GRHL2: variants seen among roughly 807,000 people sequenced by gnomAD.
The protein encoded by GRHL2 is grainyhead-like protein 2 homolog.
Under a neutral mutation model 83.8 loss-of-function variants are expected in GRHL2, and 21 were observed. That is an observed-to-expected ratio of 0.25 (90% CI 0.18 to 0.36). The LOEUF is 0.36. Among genes scored for constraint, GRHL2 ranks in the 10% least tolerant of loss-of-function variants. The probability of loss-of-function intolerance (pLI) is 1.00; values close to 1 mark genes in which losing one functional copy is unlikely to be tolerated. For synonymous variants in GRHL2, 280 were observed against 278.9 expected (o/e 1.00, Z -0.04); for missense variants, 623 against 781.8 (o/e 0.80, Z 2.42).
downstream of GRHL2, among the ~76,000 whole-genome samples, chr8:101,674,338 A>C (rs1253412427): frequency 6.6e-6 from 1 of 152,124 alleles, no homozygotes; most frequent in Non-Finnish European, 1.5e-5. Context: ...AAAAGAGAGA[A>C]GAATCAAAAA....
intron 8 of GRHL2, among the ~76,000 whole-genome samples, chr8:101,603,831 G>T (rs1413056547): frequency 6.6e-6 from 1 of 152,112 alleles, no homozygotes; most frequent in Non-Finnish European, 1.5e-5. Flanking sequence ...AGGAGGACAA[G>T]GTTCTGAGTG....
intron 2 of GRHL2, among the ~76,000 whole-genome samples, chr8:101,552,068 C>A (rs1283278522): frequency 6.6e-6 from 1 of 152,014 alleles, no homozygotes; most frequent in East Asian, 1.9e-4. Context: ...ACCTCCTGAC[C>A]TCGTGATCCG....
At chr8:101,663,631 A>AATTAATT (rs1563633193) in intron 14 of GRHL2, among the ~76,000 whole-genome samples, 23 of 104,752 alleles carry the variant, frequency 2.2e-4, no homozygotes, top group South Asian at 1.1e-3. Context: ...ATAAATAAAT[A>AATTAATT]AATAAATAAA....
At chr8:101,621,303 C>G (rs926566602) in intron 9 of GRHL2, among the ~76,000 whole-genome samples, 2 of 151,864 alleles carry the variant, frequency 1.3e-5, no homozygotes, top group Non-Finnish European at 2.9e-5. Context: ...TCAAAATAAG[C>G]TAAATGAAAT....
At chr8:101,553,174 G>C (rs1811420259) in intron 3 of GRHL2, among the ~76,000 whole-genome samples, 1 of 152,250 alleles carries the variant, frequency 6.6e-6, no homozygotes, top group African/African-American at 2.4e-5. Context: ...GAAGGGGAAA[G>C]AAAGGAGGTT....
At chr8:101,555,379 T>C (rs1811469918) in intron 3 of GRHL2, among the ~76,000 whole-genome samples, 1 of 152,066 alleles carries the variant, frequency 6.6e-6, no homozygotes, top group African/African-American at 2.4e-5. Context: ...GGTGAAGGAA[T>C]GCTGGAACCT....
intron 1 of GRHL2, among the ~76,000 whole-genome samples, chr8:101,493,111 G>A (rs548346355): frequency 2.2e-4 from 34 of 152,272 alleles, no homozygotes; most frequent in Non-Finnish European, 4.3e-4. Context: ...TTGGTAGATG[G>A]GCGCGGGAGG....
chr8:101,558,540 C>T lies in GRHL2; in HGVS notation c.406C>T (p.Arg136Trp), dbSNP rs764979598. Residue 136 changes from arginine (R) to tryptophan (W), a missense_variant, in exon 4 of 16, where the codon CGG becomes TGG. Physicochemically the swap from Arg to Trp is moderately radical, Grantham distance 101. Transcript: ENST00000646743. Reference protein sequence around the residue: ...LNQDHLENSKREQYSISFPES... With the variant: ...LNQDHLENSKWEQYSISFPES... ...TCAAGATCACCTGGAGAATTCCAAG[C>T]GGGAACAGTACAGCATCAGCTTCCC... The T allele has an allele frequency of 4.3e-6, 7 of 1,613,974 alleles. No homozygotes were observed. The highest frequency in any genetic ancestry group is 4.0e-5 in the African/African-American group (3 of 74,892).
intron 5 of GRHL2, among the ~76,000 whole-genome samples, chr8:101,570,783 C>T (rs1328334509): frequency 6.6e-6 from 1 of 152,212 alleles, no homozygotes; most frequent in Non-Finnish European, 1.5e-5. Flanking sequence ...TGTACCCATT[C>T]TCCAAGCCAC....
intron 1 of GRHL2, among the ~76,000 whole-genome samples, chr8:101,525,953 A>G (rs991617019): frequency 2.0e-5 from 3 of 152,206 alleles, no homozygotes; most frequent in Non-Finnish European, 4.4e-5. Flanking sequence ...GCAAGAGAGC[A>G]AGACTCTGTT....
intron 8 of GRHL2, among the ~76,000 whole-genome samples, chr8:101,615,267 TAA>T (rs1380989599): frequency 6.6e-6 from 1 of 152,228 alleles, no homozygotes; most frequent in African/African-American, 2.4e-5. Context: ...CTGTCCCACT[TAA>T]ATGGCCCTTG....
intron 13 of GRHL2, among the ~76,000 whole-genome samples, chr8:101,646,158 T>A (rs1813507027): frequency 6.6e-6 from 1 of 152,232 alleles, no homozygotes; most frequent in Non-Finnish European, 1.5e-5. Context: ...TTAGCCACCA[T>A]GCCTAGCCAA....
chr8:101,563,659 T>G (rs1336137184), intron 4 of GRHL2, among the ~76,000 whole-genome samples: 1 of 152,222 alleles, frequency 6.6e-6, no homozygotes, highest in African/African-American at 2.4e-5. Context: ...GTCTTAAAAT[T>G]ATCTTTCTTA....
At chr8:101,619,441 G>T (rs1332821039) in intron 8 of GRHL2, 98 bp from the exon 9 acceptor site, 1 of 960,674 alleles carries the variant, frequency 1.0e-6, no homozygotes, top group African/African-American at 1.6e-5. Context: ...TGTCTTTATG[G>T]GGTTGTTTAG....
At chr8:101,666,354 G>A (rs924666856) in intron 15 of GRHL2, among the ~76,000 whole-genome samples, 5 of 152,074 alleles carry the variant, frequency 3.3e-5, no homozygotes, top group Non-Finnish European at 5.9e-5. Flanking sequence ...TAATGCAAGC[G>A]GTTTGGGTTG....
chr8:101,543,183 A>C, intron 1 of GRHL2, 58 bp from the exon 2 acceptor site: 1 of 1,200,142 alleles, frequency 8.3e-7, no homozygotes, highest in Non-Finnish European at 1.2e-6. Flanking sequence ...GTATATTATT[A>C]GGGGTAAAAA....
At chr8:101,659,984 C>T (rs1433190247) in intron 14 of GRHL2, among the ~76,000 whole-genome samples, 2 of 152,126 alleles carry the variant, frequency 1.3e-5, no homozygotes, top group Non-Finnish European at 2.9e-5. Flanking sequence ...AGAGGTTAAA[C>T]ATTTCTGGAA....
chr8:101,645,252 C>T lies in GRHL2; in HGVS notation c.1612+1027C>T, dbSNP rs1161387287. ...GGTTCAAGTGATTCTCCTGCCTCAGCCTCCCAAGTAGCTGGGACTATAGGT... is the reference window on the plus strand; with the variant it reads ...GGTTCAAGTGATTCTCCTGCCTCAGTCTCCCAAGTAGCTGGGACTATAGGT... On this transcript the variant is annotated intron_variant, in intron 13 of 15. Transcript: ENST00000646743. 2.6e-5 allele frequency among the ~76,000 whole-genome samples: 4 copies of T among 151,228 alleles called. No individual in the cohort carries two copies. The East Asian group carries it at 7.8e-4, about 30-fold the overall frequency.
intron 1 of GRHL2, among the ~76,000 whole-genome samples, chr8:101,503,062 C>T (rs1440852017): frequency 3.9e-5 from 6 of 152,226 alleles, no homozygotes; most frequent in South Asian, 2.1e-4. Flanking sequence ...TTATTTAGGT[C>T]GGGAATAAAA....
Sources: gnomAD v4.1 joint callset for allele counts (sites outside exome capture counted in the v4.1 genomes callset) on GRCh38, gnomAD v4.1.1 for gene constraint, MANE v1.5 for transcripts, NCBI Gene and HGNC (gene_info 2026-07-23, HGNC 2026-07-21) for gene names.